PRKN: variants seen among roughly 807,000 people sequenced by gnomAD.
PRKN encodes the protein parkin RBR E3 ubiquitin protein ligase.
A neutral mutation model predicts 59.5 loss-of-function variants in PRKN; 56 were observed. The ratio of observed to expected loss-of-function variants is 0.94; its 90% CI spans 0.76 to 1.18. The LOEUF (loss-of-function observed/expected upper bound fraction) is 1.18, where lower values mean the gene tolerates loss of function less well. Ranked by LOEUF, PRKN falls within the 50% of genes most tolerant of loss-of-function variation. The pLI is 0.00. For missense variants in PRKN, 657 were observed against 596.4 expected, an observed-to-expected ratio of 1.10 and a Z score of -1.06; for synonymous variants, 250 against 222.1, an observed-to-expected ratio of 1.13 and a Z score of -1.12.
intron 4 of PRKN, among the ~76,000 whole-genome samples, chr6:162,063,685 C>T (rs1273863835): frequency 1.3e-5 from 2 of 152,002 alleles, no homozygotes; most frequent in South Asian, 2.1e-4. Context: ...GCTAGGATTA[C>T]AGGCATTTGC....
At chr6:161,534,902 T>C (rs1397941442) in intron 9 of PRKN, among the ~76,000 whole-genome samples, 1 of 152,240 alleles carries the variant, frequency 6.6e-6, no homozygotes, top group Non-Finnish European at 1.5e-5. Flanking sequence ...TTTCTAGTGA[T>C]TGCGGTAGAA....
intron 6 of PRKN, among the ~76,000 whole-genome samples, chr6:161,876,575 A>T (rs1282795487): frequency 6.6e-6 from 1 of 152,150 alleles, no homozygotes; most frequent in African/African-American, 2.4e-5. Context: ...CGCATTTCAA[A>T]GTGTTAGGAT....
chr6:162,512,224 AAC>A (rs1777656544), intron 1 of PRKN, among the ~76,000 whole-genome samples: 1 of 152,186 alleles, frequency 6.6e-6, no homozygotes, highest in Non-Finnish European at 1.5e-5. Context: ...TTCTTATTAC[AAC>A]AAAAGATTTT....
At chr6:162,158,296 C>T (rs1379376321) in intron 4 of PRKN, among the ~76,000 whole-genome samples, 1 of 152,048 alleles carries the variant, frequency 6.6e-6, no homozygotes, top group African/African-American at 2.4e-5. Flanking sequence ...GAGCCTCTGT[C>T]TCCCAGAACA....
intron 4 of PRKN, among the ~76,000 whole-genome samples, chr6:162,096,803 G>A (rs1034735518): frequency 1.4e-5 from 2 of 146,280 alleles, no homozygotes; most frequent in African/African-American, 5.1e-5. Flanking sequence ...GCCCAGTCTT[G>A]GGTATGTCTT....
intron 3 of PRKN, among the ~76,000 whole-genome samples, chr6:162,228,060 A>G (rs1483514008): frequency 1.3e-5 from 2 of 152,174 alleles, no homozygotes; most frequent in Non-Finnish European, 2.9e-5. Flanking sequence ...GAATTCTCCA[A>G]ATAGAAGGTG....
chr6:162,633,088 G>C (rs1471774103), intron 1 of PRKN, among the ~76,000 whole-genome samples: 1 of 151,686 alleles, frequency 6.6e-6, no homozygotes, highest in Non-Finnish European at 1.5e-5. Flanking sequence ...AGGATTCATT[G>C]CTATTCCTTA....
At chr6:161,532,166 C>CTCTCTATATA (rs1355724171) in intron 9 of PRKN, among the ~76,000 whole-genome samples, 18 of 115,406 alleles carry the variant, frequency 1.6e-4, no homozygotes, top group African/African-American at 5.6e-4. Context: ...CTCTCTCTCT[C>CTCTCTATATA]TATATATATA....
chr6:162,421,542 A>G (rs762838944), intron 2 of PRKN, among the ~76,000 whole-genome samples: 1 of 152,214 alleles, frequency 6.6e-6, no homozygotes, highest in Non-Finnish European at 1.5e-5. Context: ...TTGTAATCAG[A>G]AATGATACAA....
chr6:162,608,218 C>T (rs75817589), intron 1 of PRKN, among the ~76,000 whole-genome samples: 1,545 of 152,262 alleles, frequency 0.01, 27 homozygotes, highest in African/African-American at 0.036. Context: ...GGAAGACTGA[C>T]GTATCGGGAG....
intron 1 of PRKN, among the ~76,000 whole-genome samples, chr6:162,585,579 C>A (rs1781010518): frequency 6.6e-6 from 1 of 152,176 alleles, no homozygotes; most frequent in Non-Finnish European, 1.5e-5. Flanking sequence ...CAGTTATTTA[C>A]ATGCGTACAT....
chr6:162,609,216 C>A (rs1782040852), intron 1 of PRKN, among the ~76,000 whole-genome samples: 1 of 152,172 alleles, frequency 6.6e-6, no homozygotes, highest in African/African-American at 2.4e-5. Context: ...AGGAAAGGGG[C>A]AGGACTAACT....
intron 4 of PRKN, among the ~76,000 whole-genome samples, chr6:162,102,689 C>G (rs141101437): frequency 1.6e-4 from 23 of 145,786 alleles, no homozygotes; most frequent in African/African-American, 6.5e-4. Context: ...AACTACAAAG[C>G]CCAATTTCTA....
intron 1 of PRKN, among the ~76,000 whole-genome samples, chr6:162,554,766 G>A (rs1466205850): frequency 2.0e-5 from 3 of 152,136 alleles, no homozygotes; most frequent in Admixed American, 1.3e-4. Flanking sequence ...ACATTGGGAC[G>A]GCCTCCAGAG....
At chr6:162,584,317 A>C (rs982245212) in intron 1 of PRKN, among the ~76,000 whole-genome samples, 7 of 152,152 alleles carry the variant, frequency 4.6e-5, no homozygotes, top group Non-Finnish European at 7.4e-5. Context: ...TACACAAAAC[A>C]TTATCTGATA....
intron 1 of PRKN, among the ~76,000 whole-genome samples, chr6:162,606,429 T>C (rs1290254738): frequency 6.6e-6 from 1 of 152,148 alleles, no homozygotes; most frequent in Admixed American, 6.6e-5. Context: ...ATATTGAAAG[T>C]GAAAAACAGG....
At position 161,448,774 on chromosome 6, in the gene PRKN, T is replaced by A. The variant is rs1789603665; in HGVS notation, c.1084-61897A>T. Among the ~76,000 whole-genome samples the A allele has an allele frequency of 6.6e-6, 1 of 152,236 alleles. No homozygotes were observed. The highest frequency in any genetic ancestry group is 1.5e-5 in the Non-Finnish European group (1 of 68,038). ...AGCCATGAGCCACAGGAGCATTAGC[T>A]GTTCCTCTACCCTTTCGTTTCTTTG... On this transcript the variant is annotated intron_variant, in intron 9 of 11. Transcript: ENST00000366898. The surrounding 1 kb of genome is among the most constrained non-coding windows in gnomAD (Gnocchi z 5.1).
chr6:161,531,023 GATA>G (rs1199695793), intron 9 of PRKN, among the ~76,000 whole-genome samples: 2 of 152,112 alleles, frequency 1.3e-5, no homozygotes, highest in Admixed American at 1.3e-4. Flanking sequence ...TCCACCATCT[GATA>G]ATAATGTTTA....
chr6:161,618,988 T>C (rs1315939983), intron 7 of PRKN, among the ~76,000 whole-genome samples: 1 of 152,134 alleles, frequency 6.6e-6, no homozygotes, highest in Non-Finnish European at 1.5e-5. Flanking sequence ...GATAGAAAAA[T>C]GAGCCACAGT....
Sources: gnomAD v4.1 joint callset for allele counts (sites outside exome capture counted in the v4.1 genomes callset) on GRCh38, gnomAD v4.1.1 for gene constraint, Gnocchi (gnomAD v3.1) non-coding constraint, MANE v1.5 for transcripts, NCBI Gene and HGNC (gene_info 2026-07-23, HGNC 2026-07-21) for gene names.